The following CRTC3 variants were observed in gnomAD, a reference collection of about 807,000 sequenced individuals.
CRTC3 encodes the protein CREB-regulated transcription coactivator 3.
CRTC3 carries 26 observed loss-of-function variants against 74.5 expected under a neutral mutation model. The ratio of observed to expected loss-of-function variants is 0.35; its 90% confidence interval spans 0.26 to 0.48. The LOEUF (loss-of-function observed/expected upper bound fraction) is 0.48. CRTC3 is among the 20% of genes least tolerant of loss of function. The pLI is 0.99. For synonymous variants in CRTC3, 377 were observed against 325.8 expected, an observed-to-expected ratio of 1.16 and a Z score of -1.69; for missense variants, 760 against 787.3, an observed-to-expected ratio of 0.97 and a Z score of 0.41.
At position 90,532,146 on chromosome 15, in the gene CRTC3, G is replaced by A. The variant is rs142906545; in HGVS notation, c.132+1943G>A. Reference sequence around the variant, plus strand: ...AATCATTTACATATTAATTCTGCCCGTGTTTTCTTCTTGGCCAGTTACCAG... The same window carrying A: ...AATCATTTACATATTAATTCTGCCCATGTTTTCTTCTTGGCCAGTTACCAG... On this transcript the variant is annotated intron_variant, in intron 1 of 14. Transcript: ENST00000268184. 3.4e-3 allele frequency among the ~76,000 whole-genome samples: 515 copies of A among 152,170 alleles called. 4 individuals carry two copies. Among genetic ancestry groups the A allele is most frequent in the African/African-American group, 0.012 (496 of 41,506 alleles).
rs775346117 is a variant in CRTC3, at chr15:90,641,198, A to C, written c.1650A>C (p.Pro550=). The change falls in exon 14 of 15, where the codon CCA becomes CCC. Residue 550 remains proline, a splice_region_variant and synonymous_variant. Coordinates refer to ENST00000268184, the MANE Select transcript of CRTC3 (RefSeq NM_022769.5). Reference sequence around the variant, plus strand: ...GGAGTCTCCCGAACACCATCCTGCCAGGTGAGCGAGCTATCCCTCAGCTTC... The same window carrying C: ...GGAGTCTCCCGAACACCATCCTGCCCGGTGAGCGAGCTATCCCTCAGCTTC... ...NCGSLPNTIL[P]EDSSTSLFKD... is the part of the protein sequence containing the mutation. 6.9e-6 allele frequency: 11 copies of C among 1,602,766 alleles called. No homozygotes were observed. The highest frequency in any genetic ancestry group is 6.7e-5 in the Admixed American group (4 of 59,954).
At chr15:90,549,565 C>T (rs1276923087) in intron 2 of CRTC3, among the ~76,000 whole-genome samples, 1 of 152,044 alleles carries the variant, frequency 6.6e-6, no homozygotes, top group African/African-American at 2.4e-5. Context: ...TGCTTGAGCC[C>T]AGGAGTTGGA....
intron 1 of CRTC3, chr15:90,539,805 G>C: frequency 6.3e-6 from 3 of 479,306 alleles, no homozygotes; most frequent in Non-Finnish European, 7.4e-6. Context: ...CTTGCAAGAG[G>C]ACGTTACTAT....
At chr15:90,557,730 C>G (rs1385164227) in intron 2 of CRTC3, among the ~76,000 whole-genome samples, 1 of 152,180 alleles carries the variant, frequency 6.6e-6, no homozygotes, top group East Asian at 1.9e-4. Context: ...TCACCCATCT[C>G]TAGGACCCAG....
Position 90,607,233 on chromosome 15 carries a change from C to G in CRTC3, c.477-145C>G, listed in dbSNP as rs988996119. The stretch of plus-strand genomic sequence containing the variant: ...GGCTGTTAATTGATATAAAGAACTT[C>G]AGGTAGGTCCTAACCCCTTATTTGA... On this transcript the variant is annotated intron_variant, in intron 5 of 14. Transcript: ENST00000268184. The G allele has an allele frequency of 9.2e-6, 5 of 544,138 alleles. No individual in the cohort carries two copies. The African/African-American group carries it at 9.7e-5, about 11-fold the overall frequency. 33.7% of individuals were successfully genotyped at this position (544,138 alleles called of 1,614,324 possible).
chr15:90,544,774 A>G (rs916959699), intron 2 of CRTC3, among the ~76,000 whole-genome samples: 5 of 152,226 alleles, frequency 3.3e-5, no homozygotes, highest in Non-Finnish European at 7.3e-5. Context: ...GCGACCCTGT[A>G]TCTGCTCTAG....
At chr15:90,637,250 T>A (rs542846372) in intron 11 of CRTC3, among the ~76,000 whole-genome samples, 158 of 152,282 alleles carry the variant, frequency 1.0e-3, no homozygotes, top group African/African-American at 3.7e-3. Context: ...TCATGTCCTT[T>A]GTAGGGACAT....
At chr15:90,608,148 G>A (rs1968273543) in intron 6 of CRTC3, among the ~76,000 whole-genome samples, 2 of 152,200 alleles carry the variant, frequency 1.3e-5, no homozygotes, top group South Asian at 4.1e-4. Flanking sequence ...GCCACTGTGA[G>A]TAAGGGGATG....
At chr15:90,598,013 T>C (rs987105498) in intron 3 of CRTC3, 1 of 166,640 alleles carries the variant, frequency 6.0e-6, no homozygotes, top group African/African-American at 2.4e-5. Flanking sequence ...GTTTTATATA[T>C]TAAATCTGAC....
chr15:90,554,880 T>C (rs1222659527), intron 2 of CRTC3, among the ~76,000 whole-genome samples: 1 of 152,202 alleles, frequency 6.6e-6, no homozygotes. Flanking sequence ...AAAGTACCAA[T>C]GGTTGGGAAT....
At chr15:90,585,020 G>A (rs1017390157) in intron 2 of CRTC3, among the ~76,000 whole-genome samples, 2 of 152,214 alleles carry the variant, frequency 1.3e-5, no homozygotes, top group African/African-American at 4.8e-5. Flanking sequence ...ACGTCAATTT[G>A]TAGGTGTGCC....
intron 5 of CRTC3, among the ~76,000 whole-genome samples, chr15:90,605,496 C>CACTTAACAAAATTAAAA (rs1968193767): frequency 6.6e-6 from 1 of 152,192 alleles, no homozygotes; most frequent in Non-Finnish European, 1.5e-5. Context: ...GCCGCTATTA[C>CACTTAACAAAATTAAAA]ACTTAACAAA....
chr15:90,607,993 C>T (rs557173780), intron 6 of CRTC3, among the ~76,000 whole-genome samples: 1 of 152,246 alleles, frequency 6.6e-6, no homozygotes, highest in African/African-American at 2.4e-5. Context: ...CCCTGAGTGG[C>T]TGGCAGCACT....
At chr15:90,568,617 C>T (rs1313353036) in intron 2 of CRTC3, among the ~76,000 whole-genome samples, 1 of 85,096 alleles carries the variant, frequency 1.2e-5, no homozygotes, top group Non-Finnish European at 3.3e-5. Context: ...TCTTAAAGTG[C>T]TGGGATTACA....
chr15:90,557,020 A>C (rs964165679), intron 2 of CRTC3, among the ~76,000 whole-genome samples: 4 of 149,664 alleles, frequency 2.7e-5, no homozygotes, highest in Non-Finnish European at 5.9e-5. Flanking sequence ...CAATATGAAA[A>C]ATAAATACAT....
At position 90,626,611 on chromosome 15, in the gene CRTC3, CT is replaced by C. The variant is rs922457681; in HGVS notation, c.967+636del. ...GACTACATTTGTTTGAAGCCTGACA[CT>C]TTTTTTTTTTTTTTTTTGAGATGGG... On this transcript the variant is annotated intron_variant, in intron 10 of 14. Transcript: ENST00000268184. Among the ~76,000 whole-genome samples the C allele has an allele frequency of 6.9e-3, 921 of 133,402 alleles. 6 individuals carry two copies. Among genetic ancestry groups the C allele is most frequent in the South Asian group, 0.031 (133 of 4,280 alleles). The allele number at this position is 133,402 out of a possible 152,430, so 87.5% of individuals were successfully genotyped here.
Position 90,529,992 on chromosome 15 carries a change from G to C in CRTC3, c.-80G>C. 1.6e-5 allele frequency: 18 copies of C among 1,099,208 alleles called. No homozygotes were observed. Among genetic ancestry groups the C allele is most frequent in the Non-Finnish European group, 1.9e-5 (17 of 886,636 alleles). 68.1% of individuals were successfully genotyped at this position (1,099,208 alleles called of 1,614,324 possible). The stretch of plus-strand genomic sequence containing the variant: ...ACTGGCTTCGGGCGGCGGCCCCGGC[G>C]GCCTGTGGACGGACGGGTGGGCCGA... On this transcript the variant is annotated 5_prime_UTR_variant, in exon 1 of 15. Transcript: ENST00000268184.
At chr15:90,568,442 A>G (rs1967175916) in intron 2 of CRTC3, among the ~76,000 whole-genome samples, 2 of 151,708 alleles carry the variant, frequency 1.3e-5, no homozygotes. Flanking sequence ...CCTCTGCCTC[A>G]TGGGTTCAAG....
intron 14 of CRTC3, 100 bp downstream of exon 14, chr15:90,641,299 AAAAGT>A (rs1969432757): frequency 1.2e-6 from 1 of 838,456 alleles, no homozygotes. Flanking sequence ...ATATAAAGCA[AAAAGT>A]TAACGTTCCC....
Sources: gnomAD v4.1 joint callset for allele counts (sites outside exome capture counted in the v4.1 genomes callset) on GRCh38, gnomAD v4.1.1 for gene constraint, MANE v1.5 for transcripts, NCBI Gene and HGNC (gene_info 2026-07-23, HGNC 2026-07-21) for gene names.